Variants in CDC25C observed in about 807,000 individuals in gnomAD.
CDC25C encodes cell division cycle 25C.
In CDC25C, 48 loss-of-function variants were observed where a neutral mutation model predicts 52.5. That is an observed-to-expected ratio of 0.91 (90% CI 0.72 to 1.16). The LOEUF (loss-of-function observed/expected upper bound fraction) is 1.16, where lower values mean the gene tolerates loss of function less well. Ranked by LOEUF, CDC25C falls within the 50% of genes most tolerant of loss-of-function variation. The probability of loss-of-function intolerance (pLI) is 0.00; values close to 1 mark genes in which losing one functional copy is unlikely to be tolerated. For missense variants in CDC25C, 510 were observed against 566.1 expected, an observed-to-expected ratio of 0.90 and a Z score of 1.01; for synonymous variants, 187 against 206.5, an observed-to-expected ratio of 0.91 and a Z score of 0.81.
intron 1 of CDC25C, 100 bp from the exon 2 acceptor site, chr5:138,331,318 G>C: frequency 2.4e-6 from 2 of 850,416 alleles, no homozygotes; most frequent in Admixed American, 2.4e-5. Context: ...CTGGAAGAGG[G>C]GCAACCCCGA....
chr5:138,326,829 G>A (rs1392377737), intron 4 of CDC25C, among the ~76,000 whole-genome samples: 9 of 151,680 alleles, frequency 5.9e-5, no homozygotes, highest in Non-Finnish European at 1.3e-4. Context: ...GCGCATGCCT[G>A]TAATCCCAGC....
intron 7 of CDC25C, among the ~76,000 whole-genome samples, chr5:138,306,862 G>A (rs1203843614): frequency 1.4e-5 from 2 of 142,282 alleles, no homozygotes; most frequent in Non-Finnish European, 3.0e-5. Flanking sequence ...TTTCCTTTTT[G>A]AGACAGAGTC....
At chr5:138,308,133 A>C (rs989989068) in intron 7 of CDC25C, among the ~76,000 whole-genome samples, 3 of 152,158 alleles carry the variant, frequency 2.0e-5, no homozygotes, top group Non-Finnish European at 4.4e-5. Flanking sequence ...GGTTCCTAAC[A>C]GGCCATGGAC....
chr5:138,287,508 T>C (rs1449578782), intron 10 of CDC25C, among the ~76,000 whole-genome samples: 2 of 152,104 alleles, frequency 1.3e-5, no homozygotes, highest in African/African-American at 4.8e-5. Flanking sequence ...AGGAAAACCA[T>C]ATTCAGGCTA....
At chr5:138,337,703 C>T in intron 1 of CDC25C, 1 of 333,450 alleles carries the variant, frequency 3.0e-6, no homozygotes, top group Non-Finnish European at 5.8e-6. Context: ...GATCCGGCAG[C>T]TGCAAGAGGG....
intron 6 of CDC25C, among the ~76,000 whole-genome samples, chr5:138,320,425 T>C (rs1395311235): frequency 6.6e-6 from 1 of 152,104 alleles, no homozygotes; most frequent in Non-Finnish European, 1.5e-5. Flanking sequence ...AAAATGTCCA[T>C]CAACAGATGA....
intron 7 of CDC25C, among the ~76,000 whole-genome samples, chr5:138,310,400 AC>A (rs1758354844): frequency 6.6e-6 from 1 of 152,074 alleles, no homozygotes; most frequent in South Asian, 2.1e-4. Flanking sequence ...TTCTTCACAC[AC>A]TTTTAAGACT....
chr5:138,330,927 C>T lies in CDC25C; in HGVS notation c.194+60G>A, dbSNP rs553793251. 1,298 of 1,238,988 alleles carry T rather than the reference C, an allele frequency of 1.0e-3. 2 individuals are homozygous for T. The highest frequency in any genetic ancestry group is 1.3e-3 in the Non-Finnish European group (1,144 of 847,710). The allele number at this position is 1,238,988 out of a possible 1,614,324, so 76.7% of individuals were successfully genotyped here. On this transcript the variant is annotated intron_variant, in intron 2 of 13. Coordinates refer to ENST00000323760, the MANE Select transcript of CDC25C (RefSeq NM_001790.5). ...GGATAATTGAAAACAAACCAACAAA[C>T]AAACCCAACTGTTTGGAAATAGCAA...
intron 6 of CDC25C, 48 bp downstream of exon 6, chr5:138,325,767 T>C (rs1160154625): frequency 1.5e-6 from 2 of 1,347,032 alleles, no homozygotes; most frequent in Non-Finnish European, 2.1e-6. Flanking sequence ...GTTTCTTCAC[T>C]CAAAAAATAA....
intron 4 of CDC25C, among the ~76,000 whole-genome samples, chr5:138,327,926 G>A (rs1760027895): frequency 6.6e-6 from 1 of 151,940 alleles, no homozygotes; most frequent in Non-Finnish European, 1.5e-5. Context: ...GAGGGCAGTG[G>A]CGCAGTCTTG....
At chr5:138,319,830 A>G (rs1759204831) in intron 6 of CDC25C, among the ~76,000 whole-genome samples, 1 of 152,222 alleles carries the variant, frequency 6.6e-6, no homozygotes, top group African/African-American at 2.4e-5. Context: ...ATTGCAAGAG[A>G]TACTTCTTTA....
Position 138,331,667 on chromosome 5 carries a change from T to C in CDC25C, c.-111A>G, listed in dbSNP as rs1760394419. The stretch of plus-strand genomic sequence containing the variant: ...TAGGGATCGGACACAGGCGAAGACT[T>C]GAGCAGAATGAAAGGAAATCTAGGG... On this transcript the variant is annotated 5_prime_UTR_variant, in exon 1 of 14. Transcript: ENST00000323760. The C allele has an allele frequency of 2.0e-6, 2 of 994,490 alleles. No homozygotes were observed. Among genetic ancestry groups the C allele is most frequent in the Non-Finnish European group, 2.4e-6 (2 of 834,736 alleles). The allele number at this position is 994,490 out of a possible 1,614,324, so 61.6% of individuals were successfully genotyped here. A position where few individuals can be genotyped will look rare whatever the true frequency, so the allele number is the denominator to read the frequency against.
At chr5:138,329,531 C>G (rs778171925) in intron 3 of CDC25C, 22 bp downstream of exon 3, 11 of 1,417,338 alleles carry the variant, frequency 7.8e-6, no homozygotes, top group African/African-American at 1.4e-5. Context: ...CCCTTTGAGG[C>G]CTTTATCTCC....
chr5:138,307,507 AAAAAG>A (rs1758106509), intron 7 of CDC25C, among the ~76,000 whole-genome samples: 3 of 150,936 alleles, frequency 2.0e-5, no homozygotes, highest in African/African-American at 4.9e-5. Context: ...AAAAAAAAAA[AAAAAG>A]AAAAAGAGAA....
upstream of CDC25C, among the ~76,000 whole-genome samples, chr5:138,332,524 C>T (rs1454459329): frequency 6.6e-6 from 1 of 152,108 alleles, no homozygotes; most frequent in African/African-American, 2.4e-5. Context: ...TCCAGAGGAC[C>T]TCAAAGATTG....
At chr5:138,294,496 C>T (rs1231519168) in intron 7 of CDC25C, among the ~76,000 whole-genome samples, 1 of 135,806 alleles carries the variant, frequency 7.4e-6, no homozygotes, top group Non-Finnish European at 1.6e-5. Flanking sequence ...AACCACTCAG[C>T]TAATTTTTTT....
At chr5:138,310,521 C>T (rs912857422) in intron 7 of CDC25C, among the ~76,000 whole-genome samples, 1 of 152,212 alleles carries the variant, frequency 6.6e-6, no homozygotes, top group Non-Finnish European at 1.5e-5. Flanking sequence ...CATAACTCCA[C>T]ATAGTTTAGT....
intron 7 of CDC25C, among the ~76,000 whole-genome samples, chr5:138,317,682 T>TAAAAAAAAAAAAAAAA (rs70982706): frequency 5.5e-5 from 3 of 54,250 alleles, no homozygotes; most frequent in Non-Finnish European, 6.3e-5. Context: ...CCTGTCTATC[T>TAAAAAAAAAAAAAAAA]AAAAAAAAAA....
At chr5:138,295,118 G>T (rs921191022) in intron 7 of CDC25C, among the ~76,000 whole-genome samples, 4 of 152,132 alleles carry the variant, frequency 2.6e-5, no homozygotes, top group Non-Finnish European at 5.9e-5. Flanking sequence ...TTCTCCATTT[G>T]ATTATTTTGT....
Sources: gnomAD v4.1 joint callset for allele counts (sites outside exome capture counted in the v4.1 genomes callset) on GRCh38, gnomAD v4.1.1 for gene constraint, MANE v1.5 for transcripts, NCBI Gene and HGNC (gene_info 2026-07-23, HGNC 2026-07-21) for gene names.